ZPBP: variants seen among roughly 807,000 people sequenced by gnomAD.
The protein encoded by ZPBP is zona pellucida binding protein.
Under a neutral mutation model 44.8 loss-of-function variants are expected in ZPBP, and 26 were observed. The ratio of observed to expected loss-of-function variants is 0.58; its 90% CI spans 0.43 to 0.81. The LOEUF is 0.81. Ranked by LOEUF, ZPBP falls within the 30% of genes least tolerant of loss-of-function variation. The pLI is 0.00. For missense variants in ZPBP, 409 were observed against 434.0 expected (o/e 0.94, Z 0.51); for synonymous variants, 174 against 153.2 (o/e 1.14, Z -1.00).
intron 6 of ZPBP, among the ~76,000 whole-genome samples, chr7:49,985,989 G>A (rs1452710002): frequency 6.6e-6 from 1 of 152,086 alleles, no homozygotes; most frequent in Non-Finnish European, 1.5e-5. Context: ...TTCACTGAGA[G>A]CGTTCTTTAA....
chr7:50,066,432 G>A lies in ZPBP; in HGVS notation c.335-8291C>T, dbSNP rs540859926. Among the ~76,000 whole-genome samples the A allele has an allele frequency of 1.4e-5, 2 of 138,300 alleles. 1 individual carries two copies. Among genetic ancestry groups the A allele is most frequent in the African/African-American group, 5.5e-5 (2 of 36,200 alleles). The allele number at this position is 138,300 out of a possible 152,430, so 90.7% of individuals were successfully genotyped here. A position where few individuals can be genotyped will look rare whatever the true frequency, so the allele number is the denominator to read the frequency against. On this transcript the variant is annotated intron_variant, in intron 3 of 7. Coordinates refer to ENST00000046087, the MANE Select transcript of ZPBP (RefSeq NM_007009.3). Reference sequence around the variant, plus strand: ...GTTCCTGTATATTTATAGTAGGTATGGTAGAGTTGTAACTATGGTATTCCT... The same window carrying A: ...GTTCCTGTATATTTATAGTAGGTATAGTAGAGTTGTAACTATGGTATTCCT...
At chr7:49,962,931 T>C (rs1330864493) in intron 7 of ZPBP, among the ~76,000 whole-genome samples, 1 of 151,570 alleles carries the variant, frequency 6.6e-6, no homozygotes, top group Non-Finnish European at 1.5e-5. Context: ...AAATTTCTGA[T>C]ACTTGAAAGA....
At chr7:49,912,086 G>A in intron 1 of ZPBP, 1 of 1,614,110 alleles carries the variant, frequency 6.2e-7, no homozygotes, top group Non-Finnish European at 8.5e-7. Flanking sequence ...GAGAAGTGAA[G>A]ACTGACGAGT....
chr7:50,005,615 A>G (rs1798271684), intron 6 of ZPBP, among the ~76,000 whole-genome samples: 1 of 151,964 alleles, frequency 6.6e-6, no homozygotes, highest in Non-Finnish European at 1.5e-5. Flanking sequence ...CACAAATACT[A>G]TATCTATACA....
At chr7:49,931,632 A>C (rs1794447677) in intron 1 of ZPBP, among the ~76,000 whole-genome samples, 1 of 152,232 alleles carries the variant, frequency 6.6e-6, no homozygotes, top group Admixed American at 6.5e-5. Context: ...GAAAATTTGC[A>C]GCCTGACGAT....
chr7:49,885,938 G>C (rs1791885757), intron 2 of ZPBP, among the ~76,000 whole-genome samples: 1 of 152,248 alleles, frequency 6.6e-6, no homozygotes, highest in South Asian at 2.1e-4. Flanking sequence ...GCTGTGCAGA[G>C]GAGTCTCCCC....
chr7:49,968,354 T>C (rs1199634291), intron 7 of ZPBP, among the ~76,000 whole-genome samples: 1 of 152,076 alleles, frequency 6.6e-6, no homozygotes, highest in Non-Finnish European at 1.5e-5. Flanking sequence ...TTAATCTATA[T>C]ATTAAACTCC....
At chr7:49,851,735 A>G (rs1790186022) in intron 2 of ZPBP, among the ~76,000 whole-genome samples, 1 of 152,120 alleles carries the variant, frequency 6.6e-6, no homozygotes, top group Non-Finnish European at 1.5e-5. Context: ...GCACACGCCT[A>G]TAATCCCAGC....
chr7:49,959,299 G>T (rs1313885813), intron 7 of ZPBP, among the ~76,000 whole-genome samples: 5 of 142,138 alleles, frequency 3.5e-5, no homozygotes, highest in Non-Finnish European at 7.7e-5. Flanking sequence ...CAGAAATAAA[G>T]AATTAAATCT....
At chr7:50,048,178 G>A (rs1800481955) in intron 4 of ZPBP, among the ~76,000 whole-genome samples, 2 of 151,914 alleles carry the variant, frequency 1.3e-5, no homozygotes, top group African/African-American at 2.4e-5. Context: ...AAGAAAAAAG[G>A]GACTTTTATT....
chr7:49,993,741 G>A (rs764911060), intron 6 of ZPBP, among the ~76,000 whole-genome samples: 6 of 152,124 alleles, frequency 3.9e-5, no homozygotes, highest in Non-Finnish European at 5.9e-5. Context: ...GGCAGACTGG[G>A]CACTTAATGG....
downstream of ZPBP, among the ~76,000 whole-genome samples, chr7:49,937,161 G>A (rs1483093): frequency 0.75 from 113,841 of 151,964 alleles, 42,864 homozygotes; most frequent in East Asian, 0.89. Context: ...GAAACAAACT[G>A]AAATTAAAGT....
At chr7:49,881,906 C>T (rs1338321095) in intron 2 of ZPBP, among the ~76,000 whole-genome samples, 1 of 151,914 alleles carries the variant, frequency 6.6e-6, no homozygotes, top group Admixed American at 6.6e-5. Context: ...TAGGTATACT[C>T]AATTTCCAAT....
At chr7:49,949,080 A>G (rs1795221562) in intron 7 of ZPBP, among the ~76,000 whole-genome samples, 1 of 152,138 alleles carries the variant, frequency 6.6e-6, no homozygotes, top group African/African-American at 2.4e-5. Context: ...AAAACAGACC[A>G]GAAACACTGC....
intron 6 of ZPBP, among the ~76,000 whole-genome samples, chr7:49,999,270 GTA>G (rs35784620): frequency 1.4e-5 from 2 of 147,886 alleles, no homozygotes; most frequent in Non-Finnish European, 1.5e-5. Flanking sequence ...ATATGTGTGT[GTA>G]TATATATATA....
chr7:49,848,550 C>T (rs1790051358), downstream of ZPBP, among the ~76,000 whole-genome samples: 1 of 152,256 alleles, frequency 6.6e-6, no homozygotes, highest in Non-Finnish European at 1.5e-5. Context: ...GGTCTGCTCT[C>T]TCGTTTCCTG....
At chr7:49,933,354 AT>A (rs1562783765), downstream of ZPBP, among the ~76,000 whole-genome samples, 4 of 152,226 alleles carry the variant, frequency 2.6e-5, no homozygotes, top group East Asian at 7.7e-4. Context: ...CAATTAGAAT[AT>A]TTTTAGCTGC....
At position 50,006,583 on chromosome 7, in the gene ZPBP, T is replaced by C. The variant is rs567682570; in HGVS notation, c.783+11657A>G. ...AAAGCAGTGTTTAGAAGGAAACTTA[T>C]AGCTATAAATGCTTACACAAGGAAT... On this transcript the variant is annotated intron_variant, in intron 6 of 7. Coordinates refer to ENST00000046087, the MANE Select transcript of ZPBP (RefSeq NM_007009.3). 1.3e-4 allele frequency among the ~76,000 whole-genome samples: 20 copies of C among 152,178 alleles called. No homozygotes were observed. The South Asian group carries it at 3.5e-3, about 27-fold the overall frequency.
intron 7 of ZPBP, among the ~76,000 whole-genome samples, chr7:49,941,173 T>C (rs555979296): frequency 3.9e-5 from 6 of 152,220 alleles, no homozygotes; most frequent in Non-Finnish European, 7.4e-5. Context: ...TGTGGAGAAA[T>C]TGAAATCATA....
Sources: allele counts gnomAD v4.1 joint callset (sites outside exome capture counted in the v4.1 genomes callset), GRCh38; gene constraint gnomAD v4.1.1; transcripts MANE v1.5; gene names NCBI Gene and HGNC (gene_info 2026-07-23, HGNC 2026-07-21).